The following DENND5A variants were observed in gnomAD, a reference collection of about 807,000 sequenced individuals.
The protein encoded by DENND5A is DENN domain-containing protein 5A.
DENND5A carries 64 observed loss-of-function variants against 140.3 expected under a neutral mutation model. The ratio of observed to expected loss-of-function variants is 0.46; its 90% CI spans 0.37 to 0.56. The LOEUF is 0.56. Ranked by LOEUF, DENND5A falls within the 20% of genes least tolerant of loss-of-function variation. DENND5A has a pLI of 0.00. For synonymous variants in DENND5A, 605 were observed against 607.7 expected (o/e 1.00, Z 0.07); for missense variants, 1,292 against 1,593.8 (o/e 0.81, Z 3.22).
chr11:9,170,156 T>G, intron 9 of DENND5A: 2 of 552,178 alleles, frequency 3.6e-6, no homozygotes, highest in Non-Finnish European at 2.3e-6. Context: ...TCATGGAACA[T>G]GTCTCTCTTG....
rs891844215 is a variant in DENND5A, at chr11:9,240,766, T to C, written c.109+24195A>G. 3.3e-5 allele frequency among the ~76,000 whole-genome samples: 5 copies of C among 152,020 alleles called. No homozygotes were observed. The South Asian group carries it at 6.2e-4, about 19-fold the overall frequency. On this transcript the variant is annotated intron_variant, in intron 1 of 22. Transcript: ENST00000328194. ...CTTTCCTGCCTTGTTTCAGTGTGCC[T>C]GCCCTTCTCTTCTCTAGCACTCAAC... is the stretch of plus-strand genomic sequence containing the variant.
intron 2 of DENND5A, 90 bp from the exon 3 acceptor site, chr11:9,206,872 T>C: frequency 1.1e-6 from 1 of 948,772 alleles, no homozygotes; most frequent in South Asian, 1.4e-5. Flanking sequence ...TCCAGCAAGG[T>C]ACAGAAATGA....
At chr11:9,209,189 G>A (rs752176499) in intron 1 of DENND5A, among the ~76,000 whole-genome samples, 4 of 152,252 alleles carry the variant, frequency 2.6e-5, no homozygotes, top group South Asian at 2.1e-4. Flanking sequence ...AACTATCACC[G>A]TTCTCTGTAA....
Position 9,204,331 on chromosome 11 carries a change from C to T in DENND5A, c.292-14G>A. On this transcript the variant is annotated splice_polypyrimidine_tract_variant and intron_variant, in intron 3 of 22. Transcript: ENST00000328194. Reference sequence around the variant, plus strand: ...CGGCATACATAGCTGCAAAAGACAACAAGGCAACAAGCAGTGAGAACACTC... The same window carrying T: ...CGGCATACATAGCTGCAAAAGACAATAAGGCAACAAGCAGTGAGAACACTC... 1.2e-6 allele frequency: 2 copies of T among 1,601,296 alleles called. No individual in the cohort carries two copies. Among genetic ancestry groups the T allele is most frequent in the Non-Finnish European group, 1.7e-6 (2 of 1,177,686 alleles).
intron 4 of DENND5A, among the ~76,000 whole-genome samples, chr11:9,195,166 C>G (rs1849280165): frequency 6.6e-6 from 1 of 151,488 alleles, no homozygotes; most frequent in Non-Finnish European, 1.5e-5. Context: ...CCACAACCTC[C>G]ACCTCCCGGG....
At chr11:9,158,255 T>C (rs1847873377) in intron 12 of DENND5A, among the ~76,000 whole-genome samples, 1 of 152,124 alleles carries the variant, frequency 6.6e-6, no homozygotes, top group South Asian at 2.1e-4. Context: ...ACTTTTAAAA[T>C]TCCATCAGGC....
chr11:9,203,662 T>C lies in DENND5A; in HGVS notation c.947A>G (p.Gln316Arg). 1.2e-6 allele frequency: 2 copies of C among 1,612,002 alleles called. No individual in the cohort carries two copies. The highest frequency in any genetic ancestry group is 1.7e-6 in the Non-Finnish European group (2 of 1,179,032). ...GGCTCTAGTAAGCACTGACTTACGC[T>C]GTGAGTAGAGCAGGATTTGAAACTC... ...LLEFQILLYS[Q>R]HYQRLMTVAE... Residue 316 changes from glutamine (Q) to arginine (R), a missense_variant and splice_region_variant, in exon 4 of 23, where the codon CAG becomes CGG. Gln to Arg is a conservative substitution (Grantham distance 43, BLOSUM62 1). Transcript: ENST00000328194.
At chr11:9,254,439 T>G (rs925288989) in intron 1 of DENND5A, among the ~76,000 whole-genome samples, 2 of 152,164 alleles carry the variant, frequency 1.3e-5, no homozygotes, top group African/African-American at 4.8e-5. Context: ...CTCTCCTGAC[T>G]TCTTACTTGT....
rs1216206315 is a variant in DENND5A at position 9,165,966 on chromosome 11, T to G, written c.2153A>C (p.Lys718Thr). Residue 718 changes from lysine (K) to threonine (T), a missense_variant and splice_region_variant, in exon 11 of 23, where the codon AAG (lysine) becomes ACG (threonine). By Grantham distance (78) the Lys-to-Thr change is moderately conservative. Transcript: ENST00000328194. Reference protein sequence around the residue: ...HLRLDNDQREKYIQEARTMGS... With the variant: ...HLRLDNDQRETYIQEARTMGS... ...CATAGTCCTGGCTTCCTGGATGTAC[T>G]TCTATATCAAACAGAAAAATAAAGA... 2 of 1,614,124 alleles carry G rather than the reference T, an allele frequency of 1.2e-6. No homozygotes were observed. The highest frequency in any genetic ancestry group is 1.6e-4 in the Middle Eastern group (1 of 6,062).
intron 15 of DENND5A, 109 bp downstream of exon 15, chr11:9,149,972 T>C: frequency 7.0e-7 from 1 of 1,435,510 alleles, no homozygotes; most frequent in Non-Finnish European, 9.3e-7. Context: ...AGAGGTTAGC[T>C]GAATGCAGCA....
chr11:9,217,660 T>C (rs1371998964), intron 1 of DENND5A, among the ~76,000 whole-genome samples: 1 of 152,166 alleles, frequency 6.6e-6, no homozygotes, highest in Non-Finnish European at 1.5e-5. Flanking sequence ...ATTCTAAAAT[T>C]AAATTATGGT....
intron 1 of DENND5A, among the ~76,000 whole-genome samples, chr11:9,225,921 C>A (rs769275659): frequency 6.6e-6 from 1 of 152,152 alleles, no homozygotes; most frequent in Non-Finnish European, 1.5e-5. Flanking sequence ...CCTATCTCTA[C>A]AACAAATAAA....
chr11:9,172,532 C>T (rs772616599), intron 8 of DENND5A, among the ~76,000 whole-genome samples: 5 of 152,148 alleles, frequency 3.3e-5, no homozygotes, highest in African/African-American at 7.2e-5. Context: ...ATCACAGGGG[C>T]GGTTTCCCTC....
chr11:9,236,346 A>G (rs534603296), intron 1 of DENND5A, among the ~76,000 whole-genome samples: 1 of 152,246 alleles, frequency 6.6e-6, no homozygotes, highest in South Asian at 2.1e-4. Flanking sequence ...AGCCTGGCCA[A>G]TATGGCGAAA....
chr11:9,232,952 G>A (rs969881099), intron 1 of DENND5A, among the ~76,000 whole-genome samples: 2 of 152,042 alleles, frequency 1.3e-5, no homozygotes, highest in African/African-American at 2.4e-5. Context: ...TTGTACAAAA[G>A]AATCCAAACA....
chr11:9,217,481 T>G (rs1487652964), intron 1 of DENND5A, among the ~76,000 whole-genome samples: 1 of 152,044 alleles, frequency 6.6e-6, no homozygotes, highest in African/African-American at 2.4e-5. Context: ...ACCACTGCAC[T>G]CCAGCCTGGG....
At chr11:9,142,922 C>A in intron 20 of DENND5A, 77 bp from the exon 21 acceptor site, 1 of 1,577,278 alleles carries the variant, frequency 6.3e-7, no homozygotes. Flanking sequence ...CCTAAACCCA[C>A]AGCCCAGAGT....
At chr11:9,214,622 G>C (rs1850014211) in intron 1 of DENND5A, among the ~76,000 whole-genome samples, 2 of 152,308 alleles carry the variant, frequency 1.3e-5, no homozygotes, top group African/African-American at 4.8e-5. Context: ...CACATCACCA[G>C]CTGACTGTGA....
At chr11:9,258,030 T>C (rs948016090) in intron 1 of DENND5A, among the ~76,000 whole-genome samples, 54 of 152,010 alleles carry the variant, frequency 3.6e-4, no homozygotes, top group Non-Finnish European at 1.5e-5. Context: ...TGACCTCAAG[T>C]GATCCACCCA....
Sources: gnomAD v4.1 joint callset for allele counts (sites outside exome capture counted in the v4.1 genomes callset) on GRCh38, gnomAD v4.1.1 for gene constraint, MANE v1.5 for transcripts, NCBI Gene and HGNC (gene_info 2026-07-23, HGNC 2026-07-21) for gene names.